ZBTB39: variants seen among roughly 807,000 people sequenced by gnomAD.
ZBTB39 encodes the protein zinc finger and BTB domain containing 39, also known as zinc finger and BTB domain-containing protein 39.
ZBTB39 carries 25 observed loss-of-function variants against 39.4 expected under a neutral mutation model. That is an observed-to-expected ratio of 0.63 (90% CI 0.46 to 0.89). ZBTB39 has a LOEUF of 0.89. ZBTB39 is among the 40% of genes least tolerant of loss of function. ZBTB39 has a pLI of 0.00. For missense variants in ZBTB39, 891 were observed against 909.7 expected, an observed-to-expected ratio of 0.98 and a Z score of 0.26; for synonymous variants, 373 against 359.6, an observed-to-expected ratio of 1.04 and a Z score of -0.42.
chr12:57,005,850 G>A (rs1486711946), intron 1 of ZBTB39, among the ~76,000 whole-genome samples: 1 of 152,170 alleles, frequency 6.6e-6, no homozygotes, highest in Non-Finnish European at 1.5e-5. Context: ...TTGCATCCCT[G>A]TTCAGTCTCA....
chr12:57,006,511 A>C lies in ZBTB39; in HGVS notation c.-151T>G, dbSNP rs1043630257. The C allele has an allele frequency of 2.1e-5, 3 of 143,498 alleles. No individual in the cohort carries two copies. Among genetic ancestry groups the C allele is most frequent in the Non-Finnish European group, 3.1e-5 (2 of 65,008 alleles). 8.9% of individuals were successfully genotyped at this position (143,498 alleles called of 1,614,324 possible). A position where few individuals can be genotyped will look rare whatever the true frequency, so the allele number is the denominator to read the frequency against. ...AGGCGGCGCCGCCGGCCGCGGCCAG[A>C]CTCTCCATCCGCCGCGCGGCTCGCC... On this transcript the variant is annotated 5_prime_UTR_variant, in exon 1 of 2. Coordinates refer to ENST00000300101, the MANE Select transcript of ZBTB39 (RefSeq NM_014830.3).
In ZBTB39 at chr12:57,006,482, G is replaced by A. The variant is rs1039797132; in HGVS notation, c.-122C>T. ...CCCGGCCCGCCGTGCCCGGCCCGAC[G>A]AGGAGGCGGCGCCGCCGGCCGCGGC... On this transcript the variant is annotated 5_prime_UTR_variant, in exon 1 of 2. Coordinates refer to ENST00000300101, the MANE Select transcript of ZBTB39 (RefSeq NM_014830.3). 1.3e-5 allele frequency: 2 copies of A among 148,492 alleles called. No individual in the cohort carries two copies. The highest frequency in any genetic ancestry group is 2.4e-5 in the African/African-American group (1 of 41,036). 9.2% of individuals were successfully genotyped at this position (148,492 alleles called of 1,614,324 possible).
rs1956219552 is a variant in ZBTB39, at chr12:57,003,064, G to A, written c.1854C>T (p.Ser618=). The A allele has an allele frequency of 6.2e-7, 1 of 1,611,030 alleles. No individual in the cohort carries two copies. The highest frequency in any genetic ancestry group is 8.5e-7 in the Non-Finnish European group (1 of 1,178,882). ...KVCGKRFAHT[S]EFNYHRRIHT... Reference sequence around the variant, plus strand: ...GGATCCGCCGGTGGTAGTTGAATTCGCTTGTGTGGGCAAATCTTTTGCCAC... The same window carrying A: ...GGATCCGCCGGTGGTAGTTGAATTCACTTGTGTGGGCAAATCTTTTGCCAC... The change falls in exon 2 of 2, where the codon AGC becomes AGT. Residue 618 remains serine, a synonymous_variant. Transcript: ENST00000300101. The surrounding 1 kb of genome is among the most constrained non-coding windows in gnomAD (Gnocchi z 4.8).
Position 57,002,808 on chromosome 12 carries a change from T to C in ZBTB39, c.2110A>G (p.Lys704Glu). The C allele has an allele frequency of 1.2e-6, 2 of 1,614,118 alleles. No individual in the cohort carries two copies. The highest frequency in any genetic ancestry group is 1.7e-6 in the Non-Finnish European group (2 of 1,179,996). ...EQTFMYIIHS[K>E]EADKNPDS Reference sequence around the variant, plus strand: ...CTGTCCGGGTTCTTATCCGCCTCTTTGGAATGGATGATGTACATGAAGGTC... The same window carrying C: ...CTGTCCGGGTTCTTATCCGCCTCTTCGGAATGGATGATGTACATGAAGGTC... Residue 704 changes from lysine to glutamate, a missense_variant, in exon 2 of 2, where the codon AAA becomes GAA. Lys to Glu is a moderately conservative substitution (Grantham distance 56, BLOSUM62 1). Transcript: ENST00000300101.
chr12:57,001,018 G>C lies in ZBTB39; in HGVS notation c.*1761C>G, dbSNP rs899345366. 1 of 152,280 alleles carries C rather than the reference G, an allele frequency of 6.6e-6. No individual in the cohort carries two copies. The highest frequency in any genetic ancestry group is 2.4e-5 in the African/African-American group (1 of 41,446). The allele number at this position is 152,280 out of a possible 1,614,324, so 9.4% of individuals were successfully genotyped here. On this transcript the variant is annotated 3_prime_UTR_variant, in exon 2 of 2. Coordinates refer to ENST00000300101, the MANE Select transcript of ZBTB39 (RefSeq NM_014830.3). The stretch of plus-strand genomic sequence containing the variant: ...GGAAGGAAGGGGGATGAAAGGCCTG[G>C]AATTTAACTGTCCCGAACTTTATAG...
In ZBTB39 at chr12:57,004,756, G is replaced by A. The variant is rs747884501; in HGVS notation, c.162C>T (p.Tyr54=). Residue 54 remains tyrosine, a synonymous_variant, in exon 2 of 2, where the codon TAC becomes TAT. Transcript: ENST00000300101. ...HKAVLACAAG[Y]FQNLFLNTGL... Reference sequence around the variant, plus strand: ...CAGTATTCAGGAAGAGGTTCTGGAAGTAGCCAGCTGCACAGGCCAGCACAG... The same window carrying A: ...CAGTATTCAGGAAGAGGTTCTGGAAATAGCCAGCTGCACAGGCCAGCACAG... 2 of 1,614,190 alleles carry A rather than the reference G, an allele frequency of 1.2e-6. No homozygotes were observed. Among genetic ancestry groups the A allele is most frequent in the Non-Finnish European group, 1.7e-6 (2 of 1,180,010 alleles).
At position 56,998,952 on chromosome 12, in the gene ZBTB39, C is replaced by A. The variant is rs1956194154; in HGVS notation, c.*3827G>T. ...TCTACTATTTGGGGAAAAAAGTTTA[C>A]AAAATATACAAAACTTTACAGCAAT... On this transcript the variant is annotated 3_prime_UTR_variant, in exon 2 of 2. Transcript: ENST00000300101. The A allele has an allele frequency of 6.6e-6, 1 of 152,434 alleles. No homozygotes were observed. Among genetic ancestry groups the A allele is most frequent in the Non-Finnish European group, 1.5e-5 (1 of 67,996 alleles). 9.4% of individuals were successfully genotyped at this position (152,434 alleles called of 1,614,324 possible). A position where few individuals can be genotyped will look rare whatever the true frequency, so the allele number is the denominator to read the frequency against.
rs758837743 is a variant in ZBTB39 at position 57,004,312 on chromosome 12, C to T, written c.606G>A (p.Pro202=). ...DANHSLHLPQ[P]PPPPPKTEDH... ...CTTCTGTCTTTGGCGGTGGTGGGGG[C>T]GGTTGCGGCAGATGCAGGCTATGGT... is the stretch of plus-strand genomic sequence containing the variant. The change falls in exon 2 of 2, where the codon CCG becomes CCA. Residue 202 remains proline (P), a synonymous_variant. Transcript: ENST00000300101. 1.4e-5 allele frequency: 22 copies of T among 1,614,112 alleles called. No individual in the cohort carries two copies. The highest frequency in any genetic ancestry group is 8.8e-5 in the South Asian group (8 of 91,076).
In ZBTB39 at chr12:57,004,048, C is replaced by G. The variant is rs745681181; in HGVS notation, c.870G>C (p.Gln290His). ...SEHSKDPGFG[Q>H]MDELQLEDLG... is the part of the protein sequence containing the mutation. ...GGTCCTCGAGCTGGAGCTCATCCAT[C>G]TGCCCAAAGCCAGGATCTTTGGAGT... is the stretch of plus-strand genomic sequence containing the variant. The change falls in exon 2 of 2, where the codon CAG (glutamine) becomes CAC (histidine). Residue 290 changes from glutamine (Q) to histidine (H), a missense_variant. Transcript: ENST00000300101. The G allele has an allele frequency of 1.7e-5, 27 of 1,614,154 alleles. No individual in the cohort carries two copies. In the East Asian group the frequency reaches 6.0e-4, roughly 36 times the overall value.
rs779781313 is a variant in ZBTB39 at position 57,003,201 on chromosome 12, C to T, written c.1717G>A (p.Gly573Arg). ...TTCTGGAGAGCTGGGTGCTGCAGCCCAAAACCAGGCCGTGCATCAAGGCCA... is the reference window on the plus strand; with the variant it reads ...TTCTGGAGAGCTGGGTGCTGCAGCCTAAAACCAGGCCGTGCATCAAGGCCA... ...NSGLDARPGF[G>R]LQHPALQKRK... The change falls in exon 2 of 2, where the codon GGG becomes AGG. Residue 573 changes from glycine to arginine, a missense_variant. Coordinates refer to ENST00000300101, the MANE Select transcript of ZBTB39 (RefSeq NM_014830.3). The surrounding 1 kb of genome is among the most constrained non-coding windows in gnomAD (Gnocchi z 4.8). The T allele has an allele frequency of 1.2e-6, 2 of 1,613,974 alleles. No individual in the cohort carries two copies. Among genetic ancestry groups the T allele is most frequent in the African/African-American group, 2.7e-5 (2 of 74,930 alleles).
intron 1 of ZBTB39, 93 bp downstream of exon 1, chr12:57,006,312 A>C (rs1956245285): frequency 6.6e-6 from 1 of 151,462 alleles, no homozygotes; most frequent in African/African-American, 2.4e-5. Context: ...GGCCGAAGGG[A>C]GCGGGCAAGA....
chr12:57,005,543 C>T (rs1956240016), intron 1 of ZBTB39, among the ~76,000 whole-genome samples: 1 of 152,200 alleles, frequency 6.6e-6, no homozygotes, highest in Admixed American at 6.5e-5. Context: ...CTTTCGATAA[C>T]CCAGAGCCCC....
Position 57,000,175 on chromosome 12 carries a change from G to A in ZBTB39, c.*2604C>T, listed in dbSNP as rs1956201874. 1 of 152,592 alleles carries A rather than the reference G, an allele frequency of 6.6e-6. No homozygotes were observed. The highest frequency in any genetic ancestry group is 2.4e-5 in the African/African-American group (1 of 41,374). The allele number at this position is 152,592 out of a possible 1,614,324, so 9.5% of individuals were successfully genotyped here. A position where few individuals can be genotyped will look rare whatever the true frequency, so the allele number is the denominator to read the frequency against. The stretch of plus-strand genomic sequence containing the variant: ...GGGTGGGGGGAAACGGGAAGTTCAG[G>A]TGTGAATACAGGGGTCACCAACAGG... On this transcript the variant is annotated 3_prime_UTR_variant, in exon 2 of 2. Transcript: ENST00000300101.
In ZBTB39 at chr12:57,002,881, A is replaced by C. The variant is rs1206672607; in HGVS notation, c.2037T>G (p.His679Gln). 1.2e-6 allele frequency: 2 copies of C among 1,614,132 alleles called. No homozygotes were observed. ...YSSTLNLMSK[H>Q]VGVHKGSLPP... ...GGAGGCTGCCTTTGTGCACACCAAC[A>C]TGTTTGCTCATGAGGTTAAGGGTGG... is the stretch of plus-strand genomic sequence containing the variant. Residue 679 changes from histidine (H) to glutamine (Q), a missense_variant, in exon 2 of 2, where the codon CAT becomes CAG. Coordinates refer to ENST00000300101, the MANE Select transcript of ZBTB39 (RefSeq NM_014830.3).
chr12:57,004,568 G>T lies in ZBTB39; in HGVS notation c.350C>A (p.Ala117Asp). The T allele has an allele frequency of 6.2e-7, 1 of 1,614,200 alleles. No individual in the cohort carries two copies. The highest frequency in any genetic ancestry group is 8.5e-7 in the Non-Finnish European group (1 of 1,180,038). Residue 117 changes from alanine (A) to aspartate (D), a missense_variant, in exon 2 of 2, where the codon GCC becomes GAC. By Grantham distance (126) the Ala-to-Asp change is moderately radical. Coordinates refer to ENST00000300101, the MANE Select transcript of ZBTB39 (RefSeq NM_014830.3). ...ERLGMEDLLQ[A>D]CHSTFPDLES... The stretch of plus-strand genomic sequence containing the variant: ...CAGATCAGGAAAGGTAGAGTGACAG[G>T]CCTGGAGGAGGTCCTCCATACCCAG...
At position 57,003,883 on chromosome 12, in the gene ZBTB39, G is replaced by T; in HGVS notation, c.1035C>A (p.Cys345Ter). 1 of 1,614,204 alleles carries T rather than the reference G, an allele frequency of 6.2e-7. No homozygotes were observed. The highest frequency in any genetic ancestry group is 8.5e-7 in the Non-Finnish European group (1 of 1,180,038). The change falls in exon 2 of 2, where the codon TGC (cysteine) becomes TGA (stop). Residue 345 changes from cysteine (C) to a stop codon, truncating the protein, a stop_gained. Transcript: ENST00000300101. LOFTEE classifies it high-confidence loss of function. The surrounding 1 kb of genome is among the most constrained non-coding windows in gnomAD (Gnocchi z 4.8). Reference sequence around the variant, plus strand: ...GCTCTAGAACTTTCTTGCACACCTGGCAGGGCATGGCCTTATTCTCCCGAT... The same window carrying T: ...GCTCTAGAACTTTCTTGCACACCTGTCAGGGCATGGCCTTATTCTCCCGAT... ...NDNRENKAMP[C>*]QVCKKVLEPN...
In ZBTB39 at chr12:56,999,980, G is replaced by A. The variant is rs1184547182; in HGVS notation, c.*2799C>T. On this transcript the variant is annotated 3_prime_UTR_variant, in exon 2 of 2. Coordinates refer to ENST00000300101, the MANE Select transcript of ZBTB39 (RefSeq NM_014830.3). ...TAGTAAACTAGGTTCCAGGAGAGAG[G>A]GAGCAACAAAATCAAATGAACAGAA... 2 of 151,956 alleles carry A rather than the reference G, an allele frequency of 1.3e-5. No individual in the cohort carries two copies. Among genetic ancestry groups the A allele is most frequent in the Non-Finnish European group, 2.9e-5 (2 of 67,978 alleles). 9.4% of individuals were successfully genotyped at this position (151,956 alleles called of 1,614,324 possible).
At position 57,000,212 on chromosome 12, in the gene ZBTB39, G is replaced by C. The variant is rs987329360; in HGVS notation, c.*2567C>G. On this transcript the variant is annotated 3_prime_UTR_variant, in exon 2 of 2. Transcript: ENST00000300101. Reference sequence around the variant, plus strand: ...GGGTCACCAACAGGGAGAGGGTTTGGTCAACAAATCTCATGAGCTACTGAT... The same window carrying C: ...GGGTCACCAACAGGGAGAGGGTTTGCTCAACAAATCTCATGAGCTACTGAT... 5 of 152,496 alleles carry C rather than the reference G, an allele frequency of 3.3e-5. No homozygotes were observed. Among genetic ancestry groups the C allele is most frequent in the Non-Finnish European group, 5.9e-5 (4 of 68,028 alleles). The allele number at this position is 152,496 out of a possible 1,614,324, so 9.4% of individuals were successfully genotyped here.
In ZBTB39 at chr12:56,999,039, C is replaced by G. The variant is rs549121865; in HGVS notation, c.*3740G>C. 1 of 152,562 alleles carries G rather than the reference C, an allele frequency of 6.6e-6. No individual in the cohort carries two copies. The highest frequency in any genetic ancestry group is 6.5e-5 in the Admixed American group (1 of 15,284). 9.5% of individuals were successfully genotyped at this position (152,562 alleles called of 1,614,324 possible). Reference sequence around the variant, plus strand: ...TATTAATTTAATGGAAGGAGTTAGACGTCAACAACTCTTCTCTGTTTCATA... The same window carrying G: ...TATTAATTTAATGGAAGGAGTTAGAGGTCAACAACTCTTCTCTGTTTCATA... On this transcript the variant is annotated 3_prime_UTR_variant, in exon 2 of 2. Coordinates refer to ENST00000300101, the MANE Select transcript of ZBTB39 (RefSeq NM_014830.3).
Sources: gnomAD v4.1 joint callset for allele counts (sites outside exome capture counted in the v4.1 genomes callset) on GRCh38, gnomAD v4.1.1 for gene constraint, Gnocchi (gnomAD v3.1) non-coding constraint, MANE v1.5 for transcripts, NCBI Gene and HGNC (gene_info 2026-07-23, HGNC 2026-07-21) for gene names.